The following SUGCT variants were observed in gnomAD, a reference collection of about 807,000 sequenced individuals.
SUGCT encodes the protein succinyl-CoA:glutarate-CoA transferase.
SUGCT carries 41 observed loss-of-function variants against 55.0 expected under a neutral mutation model. The observed-to-expected ratio is 0.74, with a 90% CI of 0.58 to 0.97. The LOEUF is 0.97. Among genes scored for constraint, SUGCT ranks in the 50% least tolerant of loss-of-function variants. SUGCT has a pLI of 0.00. For missense variants in SUGCT, 568 were observed against 547.8 expected, an observed-to-expected ratio of 1.04 and a Z score of -0.37; for synonymous variants, 187 against 200.4, an observed-to-expected ratio of 0.93 and a Z score of 0.56.
Position 40,537,633 on chromosome 7 carries a change from G to T in SUGCT, c.1089+41247G>T, listed in dbSNP as rs942121460. Reference sequence around the variant, plus strand: ...GATAAAGCATTATAAAACCTTCAGTGCAGGGTCCTCCTTAACATTCAAATG... The same window carrying T: ...GATAAAGCATTATAAAACCTTCAGTTCAGGGTCCTCCTTAACATTCAAATG... On this transcript the variant is annotated intron_variant, in intron 12 of 13. Transcript: ENST00000335693. Among the ~76,000 whole-genome samples, 10 of 152,330 alleles carry T rather than the reference G, an allele frequency of 6.6e-5. No homozygotes were observed. The East Asian group carries it at 1.9e-3, about 29-fold the overall frequency.
At chr7:40,969,723 G>A in the SUGCT span, among the ~76,000 whole-genome samples, 1 of 152,014 alleles carries the variant, frequency 6.6e-6, no homozygotes, top group Non-Finnish European at 1.5e-5. Flanking sequence ...CATCCTATTG[G>A]GTCAGTTTTT....
intron 9 of SUGCT, among the ~76,000 whole-genome samples, chr7:40,379,355 A>G (rs1240260322): frequency 1.3e-5 from 2 of 152,206 alleles, no homozygotes; most frequent in Non-Finnish European, 2.9e-5. Flanking sequence ...TGGTAAGTCT[A>G]ACATCTGGCA....
the SUGCT span, among the ~76,000 whole-genome samples, chr7:41,031,542 C>T: frequency 6.6e-6 from 1 of 152,218 alleles, no homozygotes; most frequent in Non-Finnish European, 1.5e-5. Flanking sequence ...ACTTCCACTT[C>T]AAGCCCGTCA....
At chr7:40,582,162 A>T (rs563016315) in intron 12 of SUGCT, among the ~76,000 whole-genome samples, 1 of 152,144 alleles carries the variant, frequency 6.6e-6, no homozygotes, top group African/African-American at 2.4e-5. Flanking sequence ...AGAAACAATA[A>T]AGAAATACAA....
intron 8 of SUGCT, among the ~76,000 whole-genome samples, chr7:40,298,270 G>A (rs1484744277): frequency 6.6e-6 from 1 of 152,054 alleles, no homozygotes; most frequent in Non-Finnish European, 1.5e-5. Context: ...GAAGAGGAAG[G>A]AAGACAGATT....
rs151038595 is a variant in SUGCT, at chr7:40,445,006, C to T, written c.817-4281C>T. ...TCATGTGGTTTTTGTCTTTGCTTCT[C>T]TTTATGTGATGGATTATGTTTATTG... On this transcript the variant is annotated intron_variant, in intron 9 of 13. Coordinates refer to ENST00000335693, the MANE Select transcript of SUGCT (RefSeq NM_001193313.2). 7.5e-3 allele frequency among the ~76,000 whole-genome samples: 1,137 copies of T among 152,152 alleles called. 14 individuals are homozygous for T. The highest frequency in any genetic ancestry group is 0.026 in the African/African-American group (1,080 of 41,520).
intron 7 of SUGCT, among the ~76,000 whole-genome samples, chr7:40,249,494 G>A (rs911092199): frequency 1.4e-5 from 2 of 148,060 alleles, no homozygotes; most frequent in African/African-American, 2.5e-5. Flanking sequence ...AGAACTTCAC[G>A]CTTAATAAAT....
intron 6 of SUGCT, among the ~76,000 whole-genome samples, chr7:40,229,684 C>T (rs1396131791): frequency 1.4e-5 from 2 of 147,582 alleles, no homozygotes; most frequent in African/African-American, 2.5e-5. Flanking sequence ...TTGGTGGTTG[C>T]GTGCCTGTAG....
intron 8 of SUGCT, among the ~76,000 whole-genome samples, chr7:40,275,763 C>T (rs570516899): frequency 2.0e-5 from 3 of 152,008 alleles, no homozygotes; most frequent in South Asian, 4.2e-4. Flanking sequence ...TCCTGGTTTC[C>T]GTAGTTATCA....
At chr7:40,672,717 A>G (rs1462280902) in intron 12 of SUGCT, among the ~76,000 whole-genome samples, 1 of 152,234 alleles carries the variant, frequency 6.6e-6, no homozygotes, top group Non-Finnish European at 1.5e-5. Flanking sequence ...TTACCATTGA[A>G]GGAAACTGCA....
intron 12 of SUGCT, among the ~76,000 whole-genome samples, chr7:40,650,384 A>G (rs1800717525): frequency 6.6e-6 from 1 of 152,194 alleles, no homozygotes; most frequent in South Asian, 2.1e-4. Flanking sequence ...GCCATCTTAG[A>G]GGCCTGAAAC....
intron 7 of SUGCT, among the ~76,000 whole-genome samples, chr7:40,244,213 G>A (rs1409945622): frequency 1.3e-5 from 2 of 152,046 alleles, no homozygotes; most frequent in Admixed American, 6.6e-5. Flanking sequence ...AAGTATAAAT[G>A]TGGTTCAGGG....
the SUGCT span, among the ~76,000 whole-genome samples, chr7:41,020,790 G>C: frequency 6.6e-6 from 1 of 152,068 alleles, no homozygotes; most frequent in African/African-American, 2.4e-5. Context: ...TCATAAGACC[G>C]TAACAGTTTA....
chr7:40,561,840 C>T (rs952184070), intron 12 of SUGCT, among the ~76,000 whole-genome samples: 1 of 151,298 alleles, frequency 6.6e-6, no homozygotes, highest in African/African-American at 2.4e-5. Flanking sequence ...TACAGGTGCA[C>T]ACCACCATGC....
intron 12 of SUGCT, among the ~76,000 whole-genome samples, chr7:40,524,854 T>C (rs1264168393): frequency 6.6e-6 from 1 of 152,186 alleles, no homozygotes; most frequent in Non-Finnish European, 1.5e-5. Flanking sequence ...GATTTGTGGC[T>C]GTGTCCCAGG....
At chr7:40,733,086 A>G (rs1194279398) in intron 12 of SUGCT, among the ~76,000 whole-genome samples, 1 of 152,034 alleles carries the variant, frequency 6.6e-6, no homozygotes, top group South Asian at 2.1e-4. Flanking sequence ...CAAACAAACA[A>G]AAAAGAAATT....
At chr7:40,359,127 C>A (rs1798023294) in intron 9 of SUGCT, among the ~76,000 whole-genome samples, 1 of 152,118 alleles carries the variant, frequency 6.6e-6, no homozygotes, top group Non-Finnish European at 1.5e-5. Context: ...ATTCCAGCAG[C>A]ATTAGCTTTA....
Position 40,251,936 on chromosome 7 carries a change from T to TAA in SUGCT, c.576+14220_576+14221dup, listed in dbSNP as rs879897770. The stretch of plus-strand genomic sequence containing the variant: ...ACCAATTTGTATGACCTAGGAAAAA[T>TAA]AAAAAAAAAAACAAAGAAATAAATA... On this transcript the variant is annotated intron_variant, in intron 7 of 13. Coordinates refer to ENST00000335693, the MANE Select transcript of SUGCT (RefSeq NM_001193313.2). 5.5e-3 allele frequency among the ~76,000 whole-genome samples: 782 copies of TAA among 141,054 alleles called. 8 individuals carry two copies. Among genetic ancestry groups the TAA allele is most frequent in the African/African-American group, 0.019 (723 of 38,392 alleles). The allele number at this position is 141,054 out of a possible 152,430, so 92.5% of individuals were successfully genotyped here.
At position 40,416,392 on chromosome 7, in the gene SUGCT, G is replaced by A. The variant is rs113632472; in HGVS notation, c.817-32895G>A. On this transcript the variant is annotated intron_variant, in intron 9 of 13. Coordinates refer to ENST00000335693, the MANE Select transcript of SUGCT (RefSeq NM_001193313.2). ...AAATTTGAATAATAGTGGTAATAAA[G>A]GGTCATTCTGATTTTAATGATGTTT... Among the ~76,000 whole-genome samples, 467 of 151,640 alleles carry A rather than the reference G, an allele frequency of 3.1e-3. 1 individual carries two copies. The highest frequency in any genetic ancestry group is 0.01 in the African/African-American group (433 of 41,468).
Sources: allele counts gnomAD v4.1 joint callset (sites outside exome capture counted in the v4.1 genomes callset), GRCh38; gene constraint gnomAD v4.1.1; transcripts MANE v1.5; gene names NCBI Gene and HGNC (gene_info 2026-07-23, HGNC 2026-07-21).